Variants in PDSS2 observed in about 807,000 individuals in gnomAD.
PDSS2 encodes the protein all trans-polyprenyl-diphosphate synthase PDSS2.
In PDSS2, 31 loss-of-function variants were observed where a neutral mutation model predicts 44.5. The observed-to-expected ratio is 0.70, with a 90% CI of 0.52 to 0.94. PDSS2 has a LOEUF of 0.94. Among genes scored for constraint, PDSS2 ranks in the 40% least tolerant of loss-of-function variants. The pLI is 0.00. For synonymous variants in PDSS2, 157 were observed against 180.3 expected, an observed-to-expected ratio of 0.87 and a Z score of 1.03; for missense variants, 452 against 482.2, an observed-to-expected ratio of 0.94 and a Z score of 0.59.
chr6:107,450,624 C>T (rs980997411), intron 1 of PDSS2, among the ~76,000 whole-genome samples: 1 of 152,148 alleles, frequency 6.6e-6, no homozygotes, highest in African/African-American at 2.4e-5. Flanking sequence ...GGCATTAATA[C>T]AAGAAACTTA....
chr6:107,248,472 T>A (rs1209699081), intron 3 of PDSS2, among the ~76,000 whole-genome samples: 14 of 140,798 alleles, frequency 9.9e-5, no homozygotes, highest in African/African-American at 3.7e-4. Flanking sequence ...TCAAAGAGCC[T>A]CAATGTGAGT....
At chr6:107,338,838 T>C (rs763314239) in intron 1 of PDSS2, among the ~76,000 whole-genome samples, 2 of 152,128 alleles carry the variant, frequency 1.3e-5, no homozygotes, top group Non-Finnish European at 2.9e-5. Context: ...AGGAGAGTTG[T>C]CTGTTCTTTT....
At chr6:107,291,252 G>A (rs1416215368) in intron 2 of PDSS2, among the ~76,000 whole-genome samples, 2 of 151,792 alleles carry the variant, frequency 1.3e-5, no homozygotes, top group Admixed American at 6.6e-5. Context: ...AATTAAAATG[G>A]AACTTTGTAT....
At chr6:107,181,469 G>A (rs1375940611) in intron 7 of PDSS2, among the ~76,000 whole-genome samples, 1 of 147,240 alleles carries the variant, frequency 6.8e-6, no homozygotes, top group African/African-American at 2.5e-5. Flanking sequence ...GGAGGTGGAG[G>A]TTGCAGTAAT....
Position 107,233,092 on chromosome 6 carries a change from C to CTTT in PDSS2, c.702+12455_702+12456insAAA, listed in dbSNP as rs1774106794. Among the ~76,000 whole-genome samples the CTTT allele has an allele frequency of 3.3e-5, 5 of 152,184 alleles. No individual in the cohort carries two copies. In the South Asian group the frequency reaches 1.0e-3, roughly 32 times the overall value. ...TTGGCCTCCTAAAGTGCTGGGATTA[C>CTTT]AGATGTGAGCCACTGCGCTGGGTCC... On this transcript the variant is annotated intron_variant, in intron 4 of 7. Coordinates refer to ENST00000369037, the MANE Select transcript of PDSS2 (RefSeq NM_020381.4).
chr6:107,387,933 T>C (rs1006588451), intron 1 of PDSS2, among the ~76,000 whole-genome samples: 16 of 152,190 alleles, frequency 1.1e-4, no homozygotes, highest in African/African-American at 3.6e-4. Flanking sequence ...TCAAAATAAA[T>C]AAACTCTCAA....
At chr6:107,283,719 T>G (rs566720343) in intron 2 of PDSS2, among the ~76,000 whole-genome samples, 19 of 149,724 alleles carry the variant, frequency 1.3e-4, no homozygotes, top group African/African-American at 4.2e-4. Flanking sequence ...AAACTCCATC[T>G]CAAAAAATAA....
chr6:107,204,353 A>G (rs193219201), intron 6 of PDSS2, among the ~76,000 whole-genome samples: 1 of 152,082 alleles, frequency 6.6e-6, no homozygotes, highest in Non-Finnish European at 1.5e-5. Context: ...TTGCTTCTCC[A>G]TTTATCAGTT....
intron 7 of PDSS2, among the ~76,000 whole-genome samples, chr6:107,159,795 A>G (rs782567892): frequency 1.3e-5 from 2 of 152,192 alleles, no homozygotes; most frequent in Non-Finnish European, 2.9e-5. Context: ...CTAGACTTCT[A>G]GGTTAGCACC....
rs141948660 is a variant in PDSS2 at position 107,236,757 on chromosome 6, T to C, written c.702+8791A>G. Among the ~76,000 whole-genome samples, 186 of 152,192 alleles carry C rather than the reference T, an allele frequency of 1.2e-3. 2 individuals are homozygous for C. Among genetic ancestry groups the C allele is most frequent in the East Asian group, 9.5e-3 (49 of 5,170 alleles). ...CCCAATCTTTAATGTCCATCTCAAA[T>C]GTAACATTCTTTTTGATGCCTTTTC... On this transcript the variant is annotated intron_variant, in intron 4 of 7. Transcript: ENST00000369037.
chr6:107,285,497 G>C (rs1269810440), intron 2 of PDSS2, among the ~76,000 whole-genome samples: 2 of 151,178 alleles, frequency 1.3e-5, no homozygotes, highest in East Asian at 1.9e-4. Flanking sequence ...GGAAGAAGAA[G>C]AAGAAGGAAA....
At position 107,327,784 on chromosome 6, in the gene PDSS2, T is replaced by C. The variant is rs144927181; in HGVS notation, c.431+6414A>G. ...CACTTTTCTTTTCCTTCTTTAAATA[T>C]ATTATATTGCTTCACATAATAACTA... On this transcript the variant is annotated intron_variant, in intron 2 of 7. Coordinates refer to ENST00000369037, the MANE Select transcript of PDSS2 (RefSeq NM_020381.4). Among the ~76,000 whole-genome samples, 274 of 152,346 alleles carry C rather than the reference T, an allele frequency of 1.8e-3. 1 individual carries two copies. Among genetic ancestry groups the C allele is most frequent in the Middle Eastern group, 6.8e-3 (2 of 294 alleles).
At chr6:107,213,550 G>A (rs886850401) in intron 4 of PDSS2, among the ~76,000 whole-genome samples, 3 of 152,006 alleles carry the variant, frequency 2.0e-5, no homozygotes, top group Admixed American at 6.6e-5. Context: ...CACGAGGTCA[G>A]GAGTTCAAGA....
In PDSS2 at chr6:107,317,047, G is replaced by A. The variant is rs577631630; in HGVS notation, c.431+17151C>T. Among the ~76,000 whole-genome samples, 6 of 152,216 alleles carry A rather than the reference G, an allele frequency of 3.9e-5. 1 individual carries two copies. The highest frequency in any genetic ancestry group is 1.9e-4 in the East Asian group (1 of 5,184). On this transcript the variant is annotated intron_variant, in intron 2 of 7. Transcript: ENST00000369037. Reference sequence around the variant, plus strand: ...CCCATGCTGGTCACTACTGCTCTACGTTCATTTCAATACTACATGTAATTA... The same window carrying A: ...CCCATGCTGGTCACTACTGCTCTACATTCATTTCAATACTACATGTAATTA...
intron 2 of PDSS2, among the ~76,000 whole-genome samples, chr6:107,319,346 C>G (rs964379105): frequency 7.0e-4 from 106 of 152,176 alleles, no homozygotes; most frequent in African/African-American, 2.5e-3. Context: ...TTTTACTTGC[C>G]TTCCTCAGAA....
chr6:107,190,278 C>T (rs1004635210), intron 7 of PDSS2, among the ~76,000 whole-genome samples: 2 of 152,282 alleles, frequency 1.3e-5, no homozygotes. Context: ...CTGTGTCAAA[C>T]GCTTTCCTTT....
In PDSS2 at chr6:107,284,066, A is replaced by AATAAATAAATAAAT. The variant is rs373143132; in HGVS notation, c.432-9840_432-9839insATTTATTTATTTAT. Among the ~76,000 whole-genome samples the AATAAATAAATAAAT allele has an allele frequency of 4.6e-5, 7 of 151,484 alleles. No individual in the cohort carries two copies. The East Asian group carries it at 9.7e-4, about 21-fold the overall frequency. On this transcript the variant is annotated intron_variant, in intron 2 of 7. Transcript: ENST00000369037. ...TAAAATAAAAATAAATAAATAAATA[A>AATAAATAAATAAAT]AAATAAAATAGGAGAAGAATTGTGT...
chr6:107,166,150 C>A (rs1270344612), intron 7 of PDSS2, among the ~76,000 whole-genome samples: 2 of 151,562 alleles, frequency 1.3e-5, no homozygotes, highest in Non-Finnish European at 2.9e-5. Context: ...AATTGAATAC[C>A]CTTTATTTCT....
At chr6:107,282,866 C>G (rs1210887929) in intron 2 of PDSS2, among the ~76,000 whole-genome samples, 1 of 130,188 alleles carries the variant, frequency 7.7e-6, no homozygotes, top group African/African-American at 3.0e-5. Context: ...AAGACTCCGT[C>G]TCAAAAAAAA....
Sources: allele counts gnomAD v4.1 joint callset (sites outside exome capture counted in the v4.1 genomes callset), GRCh38; gene constraint gnomAD v4.1.1; transcripts MANE v1.5; gene names NCBI Gene and HGNC (gene_info 2026-07-23, HGNC 2026-07-21).